ANGPTL2: variants seen among roughly 807,000 people sequenced by gnomAD.
The protein encoded by ANGPTL2 is angiopoietin like 2.
ANGPTL2 carries 25 observed loss-of-function variants against 52.8 expected under a neutral mutation model. That is an observed-to-expected ratio of 0.47 (90% CI 0.35 to 0.66). The LOEUF (loss-of-function observed/expected upper bound fraction) is 0.66, where lower values mean the gene tolerates loss of function less well. ANGPTL2 is among the 30% of genes least tolerant of loss of function. ANGPTL2 has a pLI of 0.01. For missense variants in ANGPTL2, 546 were observed against 656.9 expected (o/e 0.83, Z 1.84); for synonymous variants, 276 against 277.4 (o/e 1.00, Z 0.05).
intron 2 of ANGPTL2, among the ~76,000 whole-genome samples, chr9:127,095,533 C>T (rs2053028244): frequency 6.6e-6 from 1 of 152,268 alleles, no homozygotes; most frequent in Non-Finnish European, 1.5e-5. Flanking sequence ...CCAGCCTCTG[C>T]AGATGCGGTG....
At chr9:127,098,237 T>C (rs1257966709) in intron 2 of ANGPTL2, among the ~76,000 whole-genome samples, 1 of 152,226 alleles carries the variant, frequency 6.6e-6, no homozygotes, top group Non-Finnish European at 1.5e-5. Context: ...TCAATGAAAC[T>C]GAGTTTTCAA....
intron 4 of ANGPTL2, among the ~76,000 whole-genome samples, chr9:127,090,434 G>A (rs1216822007): frequency 3.3e-5 from 5 of 152,210 alleles, no homozygotes; most frequent in Non-Finnish European, 5.9e-5. Context: ...CCTCTTCCAG[G>A]GCCCCTTCGG....
chr9:127,087,549 C>CG lies in ANGPTL2; in HGVS notation c.*1389dup, dbSNP rs2051909471. ...CACACAGCCTGGCCCACGTGCCCAC[C>CG]GGGAAGGGTCTCACCTTCTTGACTC... On this transcript the variant is annotated 3_prime_UTR_variant, in exon 5 of 5. Transcript: ENST00000373425. 1 of 152,630 alleles carries CG rather than the reference C, an allele frequency of 6.6e-6. No homozygotes were observed. Among genetic ancestry groups the CG allele is most frequent in the Non-Finnish European group, 1.5e-5 (1 of 68,062 alleles). 9.5% of individuals were successfully genotyped at this position (152,630 alleles called of 1,614,324 possible).
intron 2 of ANGPTL2, among the ~76,000 whole-genome samples, chr9:127,103,990 GA>G (rs1425851084): frequency 3.9e-5 from 6 of 152,132 alleles, no homozygotes; most frequent in Admixed American, 2.6e-4. Context: ...TGACCTCTAT[GA>G]ACCTCAATAT....
Position 127,108,713 on chromosome 9 carries a change from T to TCAC in ANGPTL2, c.16_18dup (p.Val6dup). On this transcript the variant is annotated inframe_insertion, in exon 2 of 5. Coordinates refer to ENST00000373425, the MANE Select transcript of ANGPTL2 (RefSeq NM_012098.3). ...GCCAGCAGTCCGAGCCACCAGCATG[T>TCAC]CACGCACAGTGGCCTCATGGTCCTT... 1 of 1,608,724 alleles carries TCAC rather than the reference T, an allele frequency of 6.2e-7. No individual in the cohort carries two copies. The highest frequency in any genetic ancestry group is 8.5e-7 in the Non-Finnish European group (1 of 1,176,318).
chr9:127,113,422 T>C (rs1385985532), intron 1 of ANGPTL2, among the ~76,000 whole-genome samples: 5 of 151,294 alleles, frequency 3.3e-5, no homozygotes, highest in African/African-American at 1.2e-4. Flanking sequence ...TTGGCGGCTC[T>C]TAATGGGCAG....
intron 2 of ANGPTL2, among the ~76,000 whole-genome samples, chr9:127,096,701 G>C (rs2053177896): frequency 6.6e-6 from 1 of 152,194 alleles, no homozygotes; most frequent in East Asian, 1.9e-4. Flanking sequence ...GATGGTTCTA[G>C]ATCCTTTATT....
intron 1 of ANGPTL2, among the ~76,000 whole-genome samples, chr9:127,114,947 A>G (rs932483476): frequency 6.6e-6 from 1 of 152,212 alleles, no homozygotes. Context: ...GTTGAAATGT[A>G]TGGTGTGCTG....
intron 2 of ANGPTL2, among the ~76,000 whole-genome samples, chr9:127,105,478 C>G (rs2054133502): frequency 6.6e-6 from 1 of 152,162 alleles, no homozygotes; most frequent in Non-Finnish European, 1.5e-5. Context: ...CTTGGGTTCC[C>G]AACTCCCAGG....
At chr9:127,113,330 G>A (rs1262025536) in intron 1 of ANGPTL2, among the ~76,000 whole-genome samples, 1 of 152,146 alleles carries the variant, frequency 6.6e-6, no homozygotes, top group African/African-American at 2.4e-5. Context: ...GCTTCTCTTT[G>A]AGCCTCAGAG....
chr9:127,113,509 C>G (rs1244514725), intron 1 of ANGPTL2, among the ~76,000 whole-genome samples: 5 of 150,494 alleles, frequency 3.3e-5, no homozygotes, highest in African/African-American at 1.2e-4. Context: ...ACCCCCCACC[C>G]CCACCCCGGC....
chr9:127,119,376 G>A (rs1229687196), intron 1 of ANGPTL2, among the ~76,000 whole-genome samples: 2 of 152,212 alleles, frequency 1.3e-5, no homozygotes, highest in East Asian at 1.9e-4. Flanking sequence ...GGCTACTGAC[G>A]ACACTGGGCA....
chr9:127,108,740 C>A lies in ANGPTL2; in HGVS notation c.-9G>T, dbSNP rs751890933. ...ACGCACAGTGGCCTCATGGTCCTTG[C>A]AAAATGGTGGTTATTCTTTGTGAAT... On this transcript the variant is annotated 5_prime_UTR_variant, in exon 2 of 5. Coordinates refer to ENST00000373425, the MANE Select transcript of ANGPTL2 (RefSeq NM_012098.3). The A allele has an allele frequency of 1.3e-5, 20 of 1,592,232 alleles. No individual in the cohort carries two copies. In the Admixed American group the frequency reaches 3.4e-4, roughly 27 times the overall value.
intron 2 of ANGPTL2, among the ~76,000 whole-genome samples, chr9:127,101,407 C>G (rs541950060): frequency 3.9e-5 from 6 of 152,330 alleles, no homozygotes; most frequent in African/African-American, 1.2e-4. Flanking sequence ...CTGTGGGCTC[C>G]TTTCAGGCAG....
chr9:127,103,575 T>A (rs1444733518), intron 2 of ANGPTL2, among the ~76,000 whole-genome samples: 2 of 152,224 alleles, frequency 1.3e-5, no homozygotes, highest in Non-Finnish European at 2.9e-5. Context: ...TGGGTCCATT[T>A]GCTGGGAGTC....
intron 1 of ANGPTL2, among the ~76,000 whole-genome samples, chr9:127,117,115 T>C (rs2055514407): frequency 6.6e-6 from 1 of 152,252 alleles, no homozygotes; most frequent in South Asian, 2.1e-4. Flanking sequence ...CTGTGCTTCC[T>C]GCCTCGAGTA....
At chr9:127,097,815 A>G (rs2053300108) in intron 2 of ANGPTL2, among the ~76,000 whole-genome samples, 2 of 152,196 alleles carry the variant, frequency 1.3e-5, no homozygotes, top group African/African-American at 4.8e-5. Context: ...GAGACTCCAC[A>G]CTTGGAGTCA....
At chr9:127,111,540 C>G (rs146586727) in intron 1 of ANGPTL2, among the ~76,000 whole-genome samples, 11 of 152,216 alleles carry the variant, frequency 7.2e-5, no homozygotes, top group Non-Finnish European at 1.3e-4. Flanking sequence ...TAGATTGGGG[C>G]AGGGATCCCA....
rs779292514 is a variant in ANGPTL2 at position 127,108,535 on chromosome 9, G to A, written c.197C>T (p.Thr66Met). The change falls in exon 2 of 5, where the codon ACG (threonine) becomes ATG (methionine). Residue 66 changes from threonine to methionine, a missense_variant. Transcript: ENST00000373425. ...CTTGGAGTTGACGCAGATGGCACCC[G>A]TGACCCGCTGCTGGGGCACAATGAA... Reference protein sequence around the residue: ...YTFIVPQQRVTGAICVNSKEP... With the variant: ...YTFIVPQQRVMGAICVNSKEP... The A allele has an allele frequency of 1.4e-5, 22 of 1,613,098 alleles. No individual in the cohort carries two copies. The highest frequency in any genetic ancestry group is 5.0e-5 in the Admixed American group (3 of 59,910).
Sources: gnomAD v4.1 joint callset for allele counts (sites outside exome capture counted in the v4.1 genomes callset) on GRCh38, gnomAD v4.1.1 for gene constraint, MANE v1.5 for transcripts, NCBI Gene and HGNC (gene_info 2026-07-23, HGNC 2026-07-21) for gene names.